Variants in RIMS1 observed in about 807,000 individuals in gnomAD.
RIMS1 encodes the protein regulating synaptic membrane exocytosis 1.
RIMS1 carries 83 observed loss-of-function variants against 214.1 expected under a neutral mutation model. The ratio of observed to expected loss-of-function variants is 0.39; its 90% CI spans 0.32 to 0.47. The LOEUF (loss-of-function observed/expected upper bound fraction) is 0.47, where lower values mean the gene tolerates loss of function less well. Among genes scored for constraint, RIMS1 ranks in the 20% least tolerant of loss-of-function variants. RIMS1 has a pLI of 0.99. For synonymous variants in RIMS1, 793 were observed against 786.8 expected (o/e 1.01, Z -0.13); for missense variants, 2,050 against 2,161.8 (o/e 0.95, Z 1.03).
chr6:72,072,956 AT>A (rs575819130), intron 2 of RIMS1, among the ~76,000 whole-genome samples: 1 of 152,162 alleles, frequency 6.6e-6, no homozygotes, highest in Admixed American at 6.5e-5. Flanking sequence ...AGCCAAACAT[AT>A]TTTTTTGTTA....
intron 4 of RIMS1, among the ~76,000 whole-genome samples, chr6:72,166,143 C>T (rs1334406773): frequency 6.6e-6 from 1 of 152,128 alleles, no homozygotes; most frequent in Non-Finnish European, 1.5e-5. Context: ...TACCTTCTCA[C>T]CCTGTCCTCA....
rs200005095 is a variant in RIMS1, at chr6:71,968,987, G to A, written c.169G>A (p.Val57Ile). The change falls in exon 2 of 34, where the codon GTT becomes ATT. Residue 57 changes from valine to isoleucine, a missense_variant. Around this residue, in one of 6 missense-constraint regions of RIMS1, gnomAD observed 882 missense variants for 828.9 expected, o/e 1.06. Transcript: ENST00000521978. ...EEKEEAMLKC[V>I]VRDMAKPAAC... is the part of the protein sequence containing the mutation. The stretch of plus-strand genomic sequence containing the variant: ...GCTGTCTATCATGCGCCCCAGGTGT[G>A]TTGTCAGGGACATGGCGAAGCCTGC... 3.1e-6 allele frequency: 5 copies of A among 1,613,828 alleles called. No homozygotes were observed. Among genetic ancestry groups the A allele is most frequent in the Non-Finnish European group, 4.2e-6 (5 of 1,179,834 alleles).
intron 1 of RIMS1, among the ~76,000 whole-genome samples, chr6:71,955,791 TTTA>T (rs1337812890): frequency 6.6e-6 from 1 of 152,104 alleles, no homozygotes; most frequent in African/African-American, 2.4e-5. Context: ...TATTTAAATT[TTTA>T]TTGTTAGGGA....
intron 29 of RIMS1, among the ~76,000 whole-genome samples, chr6:72,346,605 T>TGTTACTCAGCCTTCACTCTATTAG (rs2097273768): frequency 6.6e-6 from 1 of 151,816 alleles, no homozygotes; most frequent in Non-Finnish European, 1.5e-5. Flanking sequence ...CCTTCTGCTC[T>TGTTACTCAGCCTTCACTCTATTAG]GTTACTCAGC....
chr6:71,890,570 T>TAAAAA (rs3076604), intron 1 of RIMS1, among the ~76,000 whole-genome samples: 26 of 81,502 alleles, frequency 3.2e-4, no homozygotes, highest in African/African-American at 1.2e-3. Context: ...CTCCTTTTTG[T>TAAAAA]AAAAAAAAAA....
chr6:71,992,415 T>TC (rs1554175389), intron 2 of RIMS1, among the ~76,000 whole-genome samples: 2 of 73,090 alleles, frequency 2.7e-5, no homozygotes, highest in Non-Finnish European at 5.1e-5. Context: ...TCTTTCTTTC[T>TC]TTCTTTCTTT....
At chr6:72,032,874 A>G (rs1332136949) in intron 2 of RIMS1, among the ~76,000 whole-genome samples, 1 of 152,160 alleles carries the variant, frequency 6.6e-6, no homozygotes, top group Non-Finnish European at 1.5e-5. Context: ...ACATGTGGAC[A>G]CCTAACTCAA....
chr6:72,082,195 A>T (rs971842269), intron 2 of RIMS1, among the ~76,000 whole-genome samples: 5 of 152,188 alleles, frequency 3.3e-5, no homozygotes, highest in African/African-American at 1.2e-4. Flanking sequence ...CAATCTATGT[A>T]TTTTATTTCA....
intron 28 of RIMS1, chr6:72,317,315 T>G (rs866702990): frequency 7.6e-6 from 2 of 262,692 alleles, no homozygotes; most frequent in Middle Eastern, 9.8e-4. Context: ...AGGGCTGTGT[T>G]CTGCCACCAT....
chr6:72,261,216 A>G (rs1011557272), intron 19 of RIMS1: 61 of 1,007,812 alleles, frequency 6.1e-5, no homozygotes, highest in Admixed American at 4.9e-4. Context: ...ATTGTTGTTT[A>G]TATTCTGTTT....
chr6:72,308,986 G>A (rs2095378200), intron 27 of RIMS1, among the ~76,000 whole-genome samples: 1 of 152,104 alleles, frequency 6.6e-6, no homozygotes, highest in South Asian at 2.1e-4. Flanking sequence ...GTTGGATGCA[G>A]TTATTTGAAA....
chr6:72,221,623 TA>T (rs1357752387), intron 6 of RIMS1, among the ~76,000 whole-genome samples: 1 of 152,034 alleles, frequency 6.6e-6, no homozygotes, highest in Non-Finnish European at 1.5e-5. Context: ...TCTTGCCAGT[TA>T]AAAAGAAACT....
At chr6:72,141,849 C>A (rs1394831282) in intron 4 of RIMS1, among the ~76,000 whole-genome samples, 1 of 151,954 alleles carries the variant, frequency 6.6e-6, no homozygotes, top group African/African-American at 2.4e-5. Flanking sequence ...TAAAATGTAT[C>A]ACTGTGGACA....
intron 2 of RIMS1, among the ~76,000 whole-genome samples, chr6:72,059,321 G>A (rs975325326): frequency 4.6e-5 from 7 of 152,040 alleles, no homozygotes; most frequent in African/African-American, 1.7e-4. Context: ...TGACCTCTTG[G>A]GCTCAAGCAA....
intron 1 of RIMS1, among the ~76,000 whole-genome samples, chr6:71,940,507 C>A (rs1444013872): frequency 3.9e-5 from 6 of 152,122 alleles, no homozygotes; most frequent in Admixed American, 2.0e-4. Flanking sequence ...AACTTGCCCA[C>A]AAGTAAAGTG....
At chr6:71,887,960 C>T in intron 1 of RIMS1, among the ~76,000 whole-genome samples, 1 of 152,152 alleles carries the variant, frequency 6.6e-6, no homozygotes, top group East Asian at 1.9e-4. Context: ...CCTCTGGGGC[C>T]TGTTCAGTTC....
intron 29 of RIMS1, among the ~76,000 whole-genome samples, chr6:72,382,866 G>A (rs959210667): frequency 6.6e-6 from 1 of 152,160 alleles, no homozygotes; most frequent in African/African-American, 2.4e-5. Context: ...AATTTCCTGT[G>A]AAAATCTCTT....
intron 29 of RIMS1, among the ~76,000 whole-genome samples, chr6:72,352,783 C>G (rs931732345): frequency 2.6e-5 from 4 of 152,004 alleles, no homozygotes; most frequent in Admixed American, 6.6e-5. Flanking sequence ...TATTAATGCT[C>G]TATTAATGAC....
At chr6:72,290,112 C>T (rs745414026) in intron 24 of RIMS1, among the ~76,000 whole-genome samples, 1 of 152,108 alleles carries the variant, frequency 6.6e-6, no homozygotes, top group Non-Finnish European at 1.5e-5. Flanking sequence ...GCATTCTCCA[C>T]CTTATATTGT....
Sources: gnomAD v4.1 joint callset for allele counts (sites outside exome capture counted in the v4.1 genomes callset) on GRCh38, gnomAD v4.1.1 for gene constraint, gnomAD v4.1.1 regional missense constraint, MANE v1.5 for transcripts, NCBI Gene and HGNC (gene_info 2026-07-23, HGNC 2026-07-21) for gene names.